Variants in MAP4K4 observed in about 807,000 individuals in gnomAD.
The protein encoded by MAP4K4 is HPK/GCK-like kinase HGK.
Under a neutral mutation model 189.6 loss-of-function variants are expected in MAP4K4, and 38 were observed. That is an observed-to-expected ratio of 0.20 (90% CI 0.15 to 0.26). MAP4K4 has a LOEUF of 0.26. Ranked by LOEUF, MAP4K4 falls within the 10% of genes least tolerant of loss-of-function variation. The pLI, the probability that MAP4K4 is intolerant of heterozygous loss-of-function variation, is 1.00. For synonymous variants in MAP4K4, 610 were observed against 624.3 expected (o/e 0.98, Z 0.34); for missense variants, 1,054 against 1,726.9 (o/e 0.61, Z 6.91).
chr2:101,822,714 C>T (rs961192004), intron 3 of MAP4K4, among the ~76,000 whole-genome samples: 4 of 152,144 alleles, frequency 2.6e-5, no homozygotes, highest in African/African-American at 7.2e-5. Context: ...TGAGTATGTG[C>T]GTACACACAC....
intron 2 of MAP4K4, among the ~76,000 whole-genome samples, chr2:101,784,288 A>G (rs5021642): frequency 0.02 from 2,665 of 133,212 alleles, 83 homozygotes; most frequent in African/African-American, 0.071. Flanking sequence ...GTGTGTGTGT[A>G]TGTGTGTGTG....
At chr2:101,703,297 C>T (rs1283704824) in intron 2 of MAP4K4, among the ~76,000 whole-genome samples, 1 of 152,064 alleles carries the variant, frequency 6.6e-6, no homozygotes, top group Non-Finnish European at 1.5e-5. Context: ...TCGTTCTCTG[C>T]AGGCTTTGGT....
chr2:101,881,350 A>G (rs2098384662), intron 27 of MAP4K4, among the ~76,000 whole-genome samples: 1 of 152,112 alleles, frequency 6.6e-6, no homozygotes, highest in Admixed American at 6.5e-5. Context: ...CAACCTTGCT[A>G]TAATTCTTGC....
chr2:101,861,300 G>A (rs1254974554), intron 16 of MAP4K4: 1 of 217,912 alleles, frequency 4.6e-6, no homozygotes, highest in Non-Finnish European at 9.1e-6. Flanking sequence ...AGTTTTTAGA[G>A]AACTGGGATT....
At chr2:101,836,814 A>T (rs1054380896) in intron 9 of MAP4K4, among the ~76,000 whole-genome samples, 3 of 152,186 alleles carry the variant, frequency 2.0e-5, no homozygotes, top group African/African-American at 7.2e-5. Context: ...CAAACAGAGT[A>T]CTGATACCCG....
intron 5 of MAP4K4, among the ~76,000 whole-genome samples, chr2:101,828,820 T>C (rs2096481125): frequency 1.3e-5 from 2 of 152,202 alleles, no homozygotes; most frequent in Admixed American, 1.3e-4. Context: ...TTGGACCATA[T>C]TTGGAGGCAA....
chr2:101,837,168 A>G (rs1350268983), intron 9 of MAP4K4, among the ~76,000 whole-genome samples: 2 of 133,796 alleles, frequency 1.5e-5, no homozygotes, highest in Admixed American at 7.8e-5. Context: ...TAGGTTCTTG[A>G]CTCTCCTTCT....
intron 2 of MAP4K4, among the ~76,000 whole-genome samples, chr2:101,701,630 TAAAAG>T (rs2149146191): frequency 6.6e-6 from 1 of 152,274 alleles, no homozygotes; most frequent in African/African-American, 2.4e-5. Flanking sequence ...AACTTCATCT[TAAAAG>T]AAGGAGGTGA....
At chr2:101,839,753 G>T in intron 9 of MAP4K4, 66 bp from the exon 10 acceptor site, 1 of 1,235,136 alleles carries the variant, frequency 8.1e-7, no homozygotes, top group Non-Finnish European at 1.1e-6. Context: ...AGGCTTGTAA[G>T]TTACTGATAT....
chr2:101,826,640 A>G (rs1246010082), intron 5 of MAP4K4, among the ~76,000 whole-genome samples: 2 of 152,290 alleles, frequency 1.3e-5, no homozygotes, highest in East Asian at 3.9e-4. Flanking sequence ...AGGATAGAAC[A>G]TTGGTTGAGT....
intron 31 of MAP4K4, 97 bp from the exon 32 acceptor site, chr2:101,888,699 T>G: frequency 1.1e-6 from 1 of 903,224 alleles, no homozygotes; most frequent in Non-Finnish European, 1.5e-6. Flanking sequence ...TTTAAAAAGA[T>G]TTAGAAGTAT....
intron 2 of MAP4K4, among the ~76,000 whole-genome samples, chr2:101,745,687 A>T (rs2065139252): frequency 6.6e-6 from 1 of 152,170 alleles, no homozygotes; most frequent in African/African-American, 2.4e-5. Context: ...ACAGCCATCC[A>T]TAAGCCGTTA....
intron 3 of MAP4K4, among the ~76,000 whole-genome samples, chr2:101,803,291 GTGTCTGTCTGTGTCTGTGTC>G (rs1289836671): frequency 1.4e-5 from 2 of 142,416 alleles, no homozygotes; most frequent in African/African-American, 6.2e-5. Context: ...GTTTGTGTGT[GTGTCTGTCTGTGTCTGTGTC>G]TGTCTGTGTG....
At chr2:101,785,699 T>TTTTC (rs1558913748) in intron 2 of MAP4K4, among the ~76,000 whole-genome samples, 22 of 5,112 alleles carry the variant, frequency 4.3e-3, no homozygotes, top group South Asian at 0.011. Context: ...TCTCTCTCTC[T>TTTTC]CTCTCTCTCT....
chr2:101,873,595 G>A, intron 24 of MAP4K4, 52 bp from the exon 25 acceptor site: 1 of 948,490 alleles, frequency 1.1e-6, no homozygotes. Flanking sequence ...TATTTTTAAT[G>A]TTCATTTTTA....
chr2:101,860,886 G>A, exon 16 of MAP4K4: 4 of 1,609,072 alleles, frequency 2.5e-6, no homozygotes, highest in South Asian at 2.2e-5. Context: ...AAGCAGACAG[G>A]CAGAGTATTG....
intron 10 of MAP4K4, among the ~76,000 whole-genome samples, chr2:101,842,246 A>G (rs898645892): frequency 2.6e-5 from 4 of 152,044 alleles, no homozygotes; most frequent in African/African-American, 9.7e-5. Flanking sequence ...TATCTTTTTG[A>G]ATTTTGCCAT....
At position 101,849,548 on chromosome 2, in the gene MAP4K4, T is replaced by C. The variant is rs887053384; in HGVS notation, c.1233+5237T>C. Among the ~76,000 whole-genome samples the C allele has an allele frequency of 2.0e-5, 3 of 152,042 alleles. No individual in the cohort carries two copies. The East Asian group carries it at 5.8e-4, about 29-fold the overall frequency. The stretch of plus-strand genomic sequence containing the variant: ...GTTCACAAGCCAACCTTTTCTTCCA[T>C]CTAGTATTTATTTGCTTTTTAGGAA... On this transcript the variant is annotated intron_variant, in intron 12 of 32. Coordinates refer to ENST00000324219, the Ensembl canonical transcript of MAP4K4.
intron 12 of MAP4K4, among the ~76,000 whole-genome samples, chr2:101,850,686 G>A (rs2097256993): frequency 6.6e-6 from 1 of 152,208 alleles, no homozygotes; most frequent in African/African-American, 2.4e-5. Flanking sequence ...TTCCTGTCAA[G>A]CTAGCAGCTC....
Sources: allele counts gnomAD v4.1 joint callset (sites outside exome capture counted in the v4.1 genomes callset), GRCh38; gene constraint gnomAD v4.1.1; transcripts MANE v1.5; gene names NCBI Gene and HGNC (gene_info 2026-07-23, HGNC 2026-07-21).